ARMC3: variants seen among roughly 807,000 people sequenced by gnomAD.
ARMC3 encodes armadillo repeat containing 3.
Under a neutral mutation model 90.3 loss-of-function variants are expected in ARMC3, and 74 were observed. That is an observed-to-expected ratio of 0.82 (90% CI 0.68 to 0.99). The LOEUF (loss-of-function observed/expected upper bound fraction) is 0.99, where lower values mean the gene tolerates loss of function less well. Ranked by LOEUF, ARMC3 falls within the 50% of genes least tolerant of loss-of-function variation. The pLI is 0.00. For missense variants in ARMC3, 958 were observed against 1,042.8 expected, an observed-to-expected ratio of 0.92 and a Z score of 1.12; for synonymous variants, 334 against 361.8, an observed-to-expected ratio of 0.92 and a Z score of 0.87.
At chr10:22,975,457 C>G (rs1310061369) in intron 8 of ARMC3, among the ~76,000 whole-genome samples, 1 of 151,948 alleles carries the variant, frequency 6.6e-6, no homozygotes, top group South Asian at 2.1e-4. Context: ...CCCAGCTACT[C>G]GGGAGGCTGA....
Position 22,939,890 on chromosome 10 carries a change from A to G in ARMC3, c.49-6254A>G, listed in dbSNP as rs548456512. 1.3e-4 allele frequency among the ~76,000 whole-genome samples: 20 copies of G among 152,354 alleles called. 3 individuals carry two copies. In the East Asian group the frequency reaches 3.9e-3, roughly 29 times the overall value. ...AAAAGGAACAGGGAGCAAATGTGAC[A>G]AAGTGAAAACAAATAGCAAGATGAT... On this transcript the variant is annotated intron_variant, in intron 2 of 18. Coordinates refer to ENST00000298032, the MANE Select transcript of ARMC3 (RefSeq NM_173081.5).
At position 23,008,886 on chromosome 10, in the gene ARMC3, G is replaced by A. The variant is rs369206725; in HGVS notation, c.2000G>A (p.Arg667Gln). 51 of 1,613,690 alleles carry A rather than the reference G, an allele frequency of 3.2e-5. No individual in the cohort carries two copies. Among genetic ancestry groups the A allele is most frequent in the Middle Eastern group, 1.6e-4 (1 of 6,082 alleles). The change falls in exon 16 of 19, where the codon CGA becomes CAA. Residue 667 changes from arginine (R) to glutamine (Q), a missense_variant. Coordinates refer to ENST00000298032, the MANE Select transcript of ARMC3 (RefSeq NM_173081.5). ...GACAAATCAGAGCCAGCTTCTGGAC[G>A]AAATACTGTTCTCAGCAAAAGCGCC... is the stretch of plus-strand genomic sequence containing the variant. ...IEDKSEPASG[R>Q]NTVLSKSATK...
At position 22,943,556 on chromosome 10, in the gene ARMC3, GA is replaced by G. The variant is rs981448015; in HGVS notation, c.49-2578del. Among the ~76,000 whole-genome samples the G allele has an allele frequency of 4.9e-3, 714 of 146,970 alleles. 1 individual carries two copies. Among genetic ancestry groups the G allele is most frequent in the African/African-American group, 9.9e-3 (398 of 40,196 alleles). On this transcript the variant is annotated intron_variant, in intron 2 of 18. Transcript: ENST00000298032. ...AAAAATTTTCTTTACCTGTTTTGTTGAAAAAAAAAATCTGTTTTAATTCCAA... is the reference window on the plus strand; with the variant it reads ...AAAAATTTTCTTTACCTGTTTTGTTGAAAAAAAAATCTGTTTTAATTCCAA...
chr10:23,010,413 T>C (rs1837882136), intron 16 of ARMC3, among the ~76,000 whole-genome samples: 1 of 43,416 alleles, frequency 2.3e-5, no homozygotes, highest in African/African-American at 7.3e-5. Context: ...CTCCTCCCCT[T>C]TCCCTCCCAC....
intron 6 of ARMC3, 30 bp downstream of exon 6, chr10:22,959,604 T>C (rs1395433885): frequency 6.5e-7 from 1 of 1,549,840 alleles, no homozygotes; most frequent in South Asian, 1.2e-5. Context: ...AGCGTTCTGA[T>C]GAAAGCTCAT....
intron 6 of ARMC3, chr10:22,959,890 A>G (rs1835119123): frequency 4.2e-6 from 2 of 475,810 alleles, no homozygotes; most frequent in African/African-American, 2.0e-5. Context: ...CTGCGCAGCT[A>G]CTATTGACTG....
chr10:22,954,780 A>G (rs774121445), intron 3 of ARMC3, among the ~76,000 whole-genome samples: 2 of 152,116 alleles, frequency 1.3e-5, no homozygotes, highest in Non-Finnish European at 2.9e-5. Flanking sequence ...TTTGCATTGT[A>G]TTAGTCAGGA....
At chr10:22,987,418 TC>T (rs1255842707) in intron 10 of ARMC3, among the ~76,000 whole-genome samples, 3 of 152,214 alleles carry the variant, frequency 2.0e-5, no homozygotes, top group Non-Finnish European at 2.9e-5. Flanking sequence ...GTTTTTCACT[TC>T]CCTTTGGCAA....
chr10:22,937,721 A>G (rs1382435167), intron 2 of ARMC3, among the ~76,000 whole-genome samples: 1 of 152,180 alleles, frequency 6.6e-6, no homozygotes, highest in Middle Eastern at 3.2e-3. Context: ...CTCTCCTGAC[A>G]TCAGCAAACA....
intron 13 of ARMC3, among the ~76,000 whole-genome samples, chr10:23,006,069 A>G (rs1023875031): frequency 6.6e-6 from 1 of 152,104 alleles, no homozygotes; most frequent in African/African-American, 2.4e-5. Flanking sequence ...GTCCCGGGCA[A>G]ATCTGGGGCT....
intron 8 of ARMC3, among the ~76,000 whole-genome samples, chr10:22,979,747 T>C (rs1447958211): frequency 6.6e-6 from 1 of 152,190 alleles, no homozygotes; most frequent in Non-Finnish European, 1.5e-5. Context: ...CCACATACTT[T>C]AGAGTTAAGT....
chr10:22,941,203 A>G (rs1834315586), intron 2 of ARMC3, among the ~76,000 whole-genome samples: 1 of 152,204 alleles, frequency 6.6e-6, no homozygotes, highest in Admixed American at 6.5e-5. Context: ...TAGGAGGGGA[A>G]TCAACTGCAA....
intron 18 of ARMC3, among the ~76,000 whole-genome samples, chr10:23,036,276 G>A (rs1028055160): frequency 1.3e-5 from 2 of 152,172 alleles, no homozygotes; most frequent in African/African-American, 4.8e-5. Flanking sequence ...TATGTAGAAT[G>A]TAAGGCTCTA....
Position 23,038,483 on chromosome 10 carries a change from T to C in ARMC3, c.*1004T>C, listed in dbSNP as rs947063562. The C allele has an allele frequency of 6.6e-6, 1 of 152,232 alleles. No individual in the cohort carries two copies. Among genetic ancestry groups the C allele is most frequent in the South Asian group, 2.1e-4 (1 of 4,834 alleles). The allele number at this position is 152,232 out of a possible 1,614,324, so 9.4% of individuals were successfully genotyped here. A position where few individuals can be genotyped will look rare whatever the true frequency, so the allele number is the denominator to read the frequency against. ...TTTTGTATTAATTTGTAATTTCAAA[T>C]AATATAATTCTTTATTTCAGAATAA... On this transcript the variant is annotated 3_prime_UTR_variant, in exon 19 of 19. Transcript: ENST00000298032.
rs76127828 is a variant in ARMC3, at chr10:22,946,862, A to C, written c.166+601A>C. 5.3e-5 allele frequency among the ~76,000 whole-genome samples: 8 copies of C among 152,338 alleles called. No homozygotes were observed. The East Asian group carries it at 1.5e-3, about 29-fold the overall frequency. ...CAAACACTACCGCAGCTAGGTGATC[A>C]AAATCAACACCACACATCTGGGCAT... On this transcript the variant is annotated intron_variant, in intron 3 of 18. Transcript: ENST00000298032.
chr10:22,955,931 TAGTA>T lies in ARMC3; in HGVS notation c.292+4_292+7del, dbSNP rs1368368200. 6 of 1,597,546 alleles carry T rather than the reference TAGTA, an allele frequency of 3.8e-6. No individual in the cohort carries two copies. Among genetic ancestry groups the T allele is most frequent in the African/African-American group, 2.7e-5 (2 of 74,418 alleles). On this transcript the variant is annotated splice_donor_variant and splice_donor_region_variant and coding_sequence_variant and intron_variant, in exon 4 of 19. Transcript: ENST00000298032. LOFTEE classifies it high-confidence loss of function. ...TGATATTTGGAATCCTGGCTTCTAA[TAGTA>T]AGTATCAACTTTTAAAAATAATCAA...
intron 13 of ARMC3, among the ~76,000 whole-genome samples, chr10:23,005,958 C>G (rs937756151): frequency 6.6e-6 from 1 of 151,730 alleles, no homozygotes. Context: ...TGCTGGGGAG[C>G]CCTGAGGTGG....
In ARMC3 at chr10:23,006,904, G is replaced by A; in HGVS notation, c.1752G>A (p.Leu584=). The A allele has an allele frequency of 6.2e-7, 1 of 1,614,020 alleles. No homozygotes were observed. The highest frequency in any genetic ancestry group is 1.3e-5 in the African/African-American group (1 of 75,028). Residue 584 remains leucine, a synonymous_variant, in exon 14 of 19, where the codon CTG becomes CTA. Coordinates refer to ENST00000298032, the MANE Select transcript of ARMC3 (RefSeq NM_173081.5). The stretch of plus-strand genomic sequence containing the variant: ...CACAGATAAATCCCGGCACCAAACT[G>A]TTGCCTTTGAAGGAGCTCTGCTTAC... ...DYGRINPGTK[L]LPLKELCLQE...
intron 16 of ARMC3, among the ~76,000 whole-genome samples, chr10:23,028,977 C>T (rs1838818549): frequency 6.6e-6 from 1 of 152,174 alleles, no homozygotes; most frequent in Non-Finnish European, 1.5e-5. Flanking sequence ...CCTTGATCTA[C>T]TGCACTCTTG....
Sources: allele counts gnomAD v4.1 joint callset (sites outside exome capture counted in the v4.1 genomes callset), GRCh38; gene constraint gnomAD v4.1.1; transcripts MANE v1.5; gene names NCBI Gene and HGNC (gene_info 2026-07-23, HGNC 2026-07-21).